The following DIS3L2 variants were observed in gnomAD, a reference collection of about 807,000 sequenced individuals.
DIS3L2 encodes DIS3-like exonuclease 2.
In DIS3L2, 34 loss-of-function variants were observed where a neutral mutation model predicts 97.5. The ratio of observed to expected loss-of-function variants is 0.35; its 90% CI spans 0.27 to 0.46. The LOEUF (loss-of-function observed/expected upper bound fraction) is 0.46, where lower values mean the gene tolerates loss of function less well. DIS3L2 is among the 20% of genes least tolerant of loss of function. The pLI, the probability that DIS3L2 is intolerant of heterozygous loss-of-function variation, is 1.00. For synonymous variants in DIS3L2, 435 were observed against 445.2 expected, an observed-to-expected ratio of 0.98 and a Z score of 0.29; for missense variants, 1,038 against 1,146.0, an observed-to-expected ratio of 0.91 and a Z score of 1.36.
intron 2 of DIS3L2, 54 bp downstream of exon 2, chr2:232,015,033 T>C (rs1694315837): frequency 6.3e-7 from 1 of 1,588,634 alleles, no homozygotes; most frequent in African/African-American, 1.3e-5. Context: ...GAAATGAAAG[T>C]GGAATGGGTG....
intron 5 of DIS3L2, among the ~76,000 whole-genome samples, chr2:232,048,812 T>C (rs552617920): frequency 1.3e-5 from 2 of 152,324 alleles, no homozygotes; most frequent in South Asian, 2.1e-4. Context: ...ATTGTTGTTA[T>C]AGTGTGTTAT....
intron 9 of DIS3L2, among the ~76,000 whole-genome samples, chr2:232,204,896 G>T (rs1027982131): frequency 1.3e-5 from 2 of 152,180 alleles, no homozygotes; most frequent in Non-Finnish European, 2.9e-5. Flanking sequence ...CGTAATTGCG[G>T]TGATGACAAC....
chr2:232,287,472 C>T (rs1694477290), intron 13 of DIS3L2, among the ~76,000 whole-genome samples: 1 of 136,424 alleles, frequency 7.3e-6, no homozygotes, highest in Non-Finnish European at 1.5e-5. Flanking sequence ...GATCATAGCT[C>T]AGTGCCGCCT....
intron 5 of DIS3L2, among the ~76,000 whole-genome samples, chr2:232,087,130 C>T (rs988236984): frequency 6.6e-6 from 1 of 151,916 alleles, no homozygotes; most frequent in Non-Finnish European, 1.5e-5. Context: ...TTTATCATTC[C>T]CTAACTTACT....
At chr2:232,064,350 C>T (rs746114999) in intron 5 of DIS3L2, among the ~76,000 whole-genome samples, 7 of 152,052 alleles carry the variant, frequency 4.6e-5, no homozygotes, top group Non-Finnish European at 7.4e-5. Flanking sequence ...TATTAGCGTG[C>T]GCATGTGAAA....
chr2:232,210,598 GA>G (rs1692163000), intron 10 of DIS3L2, among the ~76,000 whole-genome samples, 193 bp downstream of exon 10: 1 of 152,238 alleles, frequency 6.6e-6, no homozygotes, highest in African/African-American at 2.4e-5. Flanking sequence ...TGACATTGGT[GA>G]GGGTGAGAAT....
chr2:232,134,883 A>G (rs539492341), intron 7 of DIS3L2, among the ~76,000 whole-genome samples: 126 of 152,218 alleles, frequency 8.3e-4, no homozygotes, highest in Non-Finnish European at 1.4e-3. Context: ...ACACACACAC[A>G]CACACACGGT....
intron 1 of DIS3L2, among the ~76,000 whole-genome samples, chr2:231,984,674 TGAGCCACC>T: frequency 6.6e-6 from 1 of 152,240 alleles, no homozygotes; most frequent in South Asian, 2.1e-4. Context: ...ATTACAGGCG[TGAGCCACC>T]GCGCCCAGCC....
chr2:232,214,363 C>A (rs750468310), intron 10 of DIS3L2, among the ~76,000 whole-genome samples: 1 of 152,126 alleles, frequency 6.6e-6, no homozygotes, highest in Non-Finnish European at 1.5e-5. Flanking sequence ...TTAGGAAATC[C>A]TTCCCTGTAA....
chr2:232,242,494 C>T (rs1006771905), intron 11 of DIS3L2, among the ~76,000 whole-genome samples: 4 of 152,184 alleles, frequency 2.6e-5, no homozygotes, highest in African/African-American at 7.2e-5. Context: ...GTCCTTCCTG[C>T]TCCTCCTTGC....
At chr2:232,248,876 G>C (rs1013750751) in intron 11 of DIS3L2, among the ~76,000 whole-genome samples, 18 of 152,162 alleles carry the variant, frequency 1.2e-4, no homozygotes, top group Non-Finnish European at 5.9e-5. Context: ...CTCAACCCTT[G>C]GGCTCTTAAG....
chr2:232,156,902 AG>A (rs766054781), intron 8 of DIS3L2, among the ~76,000 whole-genome samples: 45 of 151,296 alleles, frequency 3.0e-4, no homozygotes, highest in South Asian at 2.1e-3. Context: ...ATGGATGGTT[AG>A]TTATTTTATG....
intron 1 of DIS3L2, among the ~76,000 whole-genome samples, chr2:231,997,267 C>T (rs1693755292): frequency 1.3e-5 from 2 of 152,194 alleles, no homozygotes; most frequent in Non-Finnish European, 2.9e-5. Context: ...GAGCTTTAAC[C>T]AACAGCTGTG....
intron 1 of DIS3L2, among the ~76,000 whole-genome samples, chr2:231,983,813 C>T (rs995599058): frequency 1.3e-5 from 2 of 151,442 alleles, no homozygotes; most frequent in Non-Finnish European, 1.5e-5. Flanking sequence ...CGCTTGAACC[C>T]GGGAGGTGGA....
At chr2:232,138,197 T>A (rs889362393) in intron 8 of DIS3L2, among the ~76,000 whole-genome samples, 2 of 152,080 alleles carry the variant, frequency 1.3e-5, no homozygotes, top group Admixed American at 6.6e-5. Context: ...TAATTTTTAT[T>A]TTTTTTATAG....
At chr2:232,127,678 A>G (rs1228957171) in intron 6 of DIS3L2, among the ~76,000 whole-genome samples, 3 of 151,714 alleles carry the variant, frequency 2.0e-5, no homozygotes, top group Non-Finnish European at 2.9e-5. Flanking sequence ...GCACCTATCT[A>G]CCTCTCATTC....
intron 5 of DIS3L2, among the ~76,000 whole-genome samples, chr2:232,036,164 G>A (rs183692558): frequency 3.0e-4 from 45 of 152,220 alleles, no homozygotes; most frequent in Middle Eastern, 6.8e-3. Context: ...TCAATCAAAC[G>A]TAGGTTTGGT....
At chr2:232,166,103 T>TAAATAAATAAATAAAC (rs1690803070) in intron 9 of DIS3L2, among the ~76,000 whole-genome samples, 2 of 146,282 alleles carry the variant, frequency 1.4e-5, no homozygotes, top group African/African-American at 5.3e-5. Flanking sequence ...AATAAATAAA[T>TAAATAAATAAATAAAC]AAATAAATAA....
intron 9 of DIS3L2, among the ~76,000 whole-genome samples, chr2:232,170,338 G>A (rs781301398): frequency 2.4e-4 from 37 of 152,038 alleles, no homozygotes; most frequent in Non-Finnish European, 4.7e-4. Context: ...CCTAAATATT[G>A]GAGGGGGAAA....
Sources: gnomAD v4.1 joint callset for allele counts (sites outside exome capture counted in the v4.1 genomes callset) on GRCh38, gnomAD v4.1.1 for gene constraint, MANE v1.5 for transcripts, NCBI Gene and HGNC (gene_info 2026-07-23, HGNC 2026-07-21) for gene names.